Variants in GSTA5 observed in about 807,000 individuals in gnomAD.
GSTA5 encodes glutathione S-transferase alpha 5.
A neutral mutation model predicts 21.8 loss-of-function variants in GSTA5; 25 were observed. That is an observed-to-expected ratio of 1.14 (90% confidence interval 0.83 to 1.60). The LOEUF is 1.60. GSTA5 is among the 40% of genes most tolerant of loss of function. GSTA5 has a pLI of 0.00. For missense variants in GSTA5, 330 were observed against 259.2 expected, an observed-to-expected ratio of 1.27 and a Z score of -1.88; for synonymous variants, 102 against 89.5, an observed-to-expected ratio of 1.14 and a Z score of -0.78.
At chr6:52,842,487 C>A (rs903572791), upstream of GSTA5, among the ~76,000 whole-genome samples, 2 of 145,544 alleles carry the variant, frequency 1.4e-5, no homozygotes, top group African/African-American at 5.1e-5. Flanking sequence ...GCTCATGCAA[C>A]TTTAGCCTCC....
upstream of GSTA5, among the ~76,000 whole-genome samples, chr6:52,845,238 A>C (rs999973796): frequency 6.6e-6 from 1 of 152,166 alleles, no homozygotes; most frequent in Admixed American, 6.6e-5. Flanking sequence ...GCACATTGGT[A>C]ACATAGCCTT....
At chr6:52,835,997 TCA>T (rs1491581959) in intron 3 of GSTA5, among the ~76,000 whole-genome samples, 1 of 152,176 alleles carries the variant, frequency 6.6e-6, no homozygotes, top group East Asian at 1.9e-4. Flanking sequence ...TCTGGAAACC[TCA>T]GTCAGGTTGC....
intron 4 of GSTA5, 115 bp from the exon 5 acceptor site, chr6:52,833,105 G>GATTTCTGCACCCA: frequency 1.7e-6 from 2 of 1,175,110 alleles, no homozygotes; most frequent in Non-Finnish European, 2.5e-6. Context: ...TATTGCATGG[G>GATTTCTGCACCCA]TGCAGAAATC....
upstream of GSTA5, among the ~76,000 whole-genome samples, chr6:52,843,827 C>T (rs1238880715): frequency 6.6e-6 from 1 of 152,120 alleles, no homozygotes; most frequent in Non-Finnish European, 1.5e-5. Context: ...GCTCCCTTAG[C>T]CATTGATTGA....
At chr6:52,835,216 G>A (rs7755335) in intron 3 of GSTA5, among the ~76,000 whole-genome samples, 140,796 of 152,268 alleles carry the variant, frequency 0.92, 65,277 homozygotes, top group Non-Finnish European at 0.96. Context: ...TAATCTACTT[G>A]CTACCTCTAT....
intron 1 of GSTA5, among the ~76,000 whole-genome samples, chr6:52,840,239 A>C (rs1490905514): frequency 6.6e-6 from 1 of 152,196 alleles, no homozygotes. Flanking sequence ...ACCAAAACCA[A>C]TGTGAAGTTA....
chr6:52,835,341 T>C (rs1429736676), intron 3 of GSTA5, among the ~76,000 whole-genome samples: 1 of 152,220 alleles, frequency 6.6e-6, no homozygotes, highest in Non-Finnish European at 1.5e-5. Context: ...TAGCATGCAT[T>C]GGTACTTCAT....
At chr6:52,835,276 G>T (rs1764275467) in intron 3 of GSTA5, among the ~76,000 whole-genome samples, 3 of 152,046 alleles carry the variant, frequency 2.0e-5, no homozygotes, top group African/African-American at 7.3e-5. Flanking sequence ...ATAATACTTG[G>T]CCTTCTGTGT....
chr6:52,844,174 CT>C (rs982171625), upstream of GSTA5, among the ~76,000 whole-genome samples: 2 of 152,214 alleles, frequency 1.3e-5, no homozygotes, highest in African/African-American at 4.8e-5. Context: ...ATGCTGCACA[CT>C]TGGTGAGTGT....
intron 3 of GSTA5, among the ~76,000 whole-genome samples, chr6:52,835,640 G>A (rs1268714047): frequency 1.3e-5 from 2 of 152,194 alleles, no homozygotes; most frequent in Non-Finnish European, 2.9e-5. Context: ...CATCACAACA[G>A]AGAGGAGACC....
chr6:52,844,058 T>C (rs1441715791), upstream of GSTA5, among the ~76,000 whole-genome samples: 1 of 152,092 alleles, frequency 6.6e-6, no homozygotes, highest in Admixed American at 6.5e-5. Context: ...TCATTCATGG[T>C]CAATATCTAG....
At chr6:52,838,117 C>T (rs1387292411) in intron 1 of GSTA5, among the ~76,000 whole-genome samples, 1 of 152,224 alleles carries the variant, frequency 6.6e-6, no homozygotes, top group Non-Finnish European at 1.5e-5. Context: ...TGTTGCACAG[C>T]TTTCACACTT....
chr6:52,841,838 C>T (rs1764380954), upstream of GSTA5, among the ~76,000 whole-genome samples: 1 of 152,076 alleles, frequency 6.6e-6, no homozygotes, highest in Non-Finnish European at 1.5e-5. Flanking sequence ...AGACTCACTG[C>T]TATTAAAAAC....
intron 3 of GSTA5, among the ~76,000 whole-genome samples, chr6:52,835,343 G>A (rs1012884240): frequency 9.2e-5 from 14 of 152,086 alleles, no homozygotes; most frequent in African/African-American, 2.9e-4. Flanking sequence ...GCATGCATTG[G>A]TACTTCATTC....
At chr6:52,834,227 G>A (rs1264909568) in exon 4 of GSTA5, 2 of 1,613,692 alleles carry the variant, frequency 1.2e-6, no homozygotes, top group South Asian at 2.2e-5. Flanking sequence ...TGACATATGA[G>A]CAGAAGAAGG....
upstream of GSTA5, among the ~76,000 whole-genome samples, chr6:52,843,067 C>A (rs1040530990): frequency 2.6e-5 from 4 of 152,160 alleles, no homozygotes; most frequent in African/African-American, 7.2e-5. Flanking sequence ...CATGTCCCTG[C>A]AAAGGACATG....
chr6:52,844,623 C>T (rs1375331616), upstream of GSTA5, among the ~76,000 whole-genome samples: 1 of 152,136 alleles, frequency 6.6e-6, no homozygotes, highest in Non-Finnish European at 1.5e-5. Context: ...CATGACTCCT[C>T]CCATTACAAG....
chr6:52,839,923 C>T (rs556160533), intron 1 of GSTA5, among the ~76,000 whole-genome samples: 107 of 152,316 alleles, frequency 7.0e-4, no homozygotes, highest in Non-Finnish European at 1.3e-3. Context: ...ACATGTAGGC[C>T]GCCCCAGGGC....
upstream of GSTA5, among the ~76,000 whole-genome samples, chr6:52,845,514 G>C (rs1174543941): frequency 6.6e-6 from 1 of 152,196 alleles, no homozygotes. Context: ...CTGTAGATTG[G>C]CCGTGAGTTG....
Sources: allele counts gnomAD v4.1 joint callset (sites outside exome capture counted in the v4.1 genomes callset), GRCh38; gene constraint gnomAD v4.1.1; transcripts MANE v1.5; gene names NCBI Gene and HGNC (gene_info 2026-07-23, HGNC 2026-07-21).